ITGB3: variants seen among roughly 807,000 people sequenced by gnomAD.
The protein encoded by ITGB3 is integrin beta-3.
ITGB3 carries 48 observed loss-of-function variants against 85.8 expected under a neutral mutation model. The ratio of observed to expected loss-of-function variants is 0.56; its 90% CI spans 0.44 to 0.71. The LOEUF (loss-of-function observed/expected upper bound fraction) is 0.71. ITGB3 is among the 30% of genes least tolerant of loss of function. The pLI is 0.00. For synonymous variants in ITGB3, 363 were observed against 395.6 expected, an observed-to-expected ratio of 0.92 and a Z score of 0.98; for missense variants, 861 against 1,019.1, an observed-to-expected ratio of 0.84 and a Z score of 2.11.
intron 9 of ITGB3, 114 bp downstream of exon 9, chr17:47,291,202 C>A: frequency 3.3e-6 from 4 of 1,206,678 alleles, no homozygotes; most frequent in Non-Finnish European, 4.8e-6. Context: ...AAAATATGGG[C>A]AAGAAAAATA....
At chr17:47,264,653 C>T (rs2065019682) in intron 1 of ITGB3, among the ~76,000 whole-genome samples, 2 of 152,292 alleles carry the variant, frequency 1.3e-5, no homozygotes, top group Admixed American at 6.5e-5. Context: ...CCTCTAACCT[C>T]CTCTGTGCTT....
intron 12 of ITGB3, among the ~76,000 whole-genome samples, chr17:47,300,835 C>T (rs2065164831): frequency 6.6e-6 from 1 of 152,128 alleles, no homozygotes; most frequent in African/African-American, 2.4e-5. Flanking sequence ...GCCTGCAAAG[C>T]AAAGGGAGCA....
chr17:47,278,891 C>T (rs991095452), intron 2 of ITGB3, among the ~76,000 whole-genome samples: 1 of 152,216 alleles, frequency 6.6e-6, no homozygotes, highest in Non-Finnish European at 1.5e-5. Flanking sequence ...AAACCATCCC[C>T]ACCTCCCTGT....
Position 47,292,533 on chromosome 17 carries a change from TCTC to T in ITGB3, c.1658_1660del (p.Ser553del), listed in dbSNP as rs1378984668. The T allele has an allele frequency of 3.7e-6, 6 of 1,602,946 alleles. No individual in the cohort carries two copies. In the Admixed American group the frequency reaches 6.7e-5, roughly 18 times the overall value. On this transcript the variant is annotated inframe_deletion, in exon 10 of 15. Coordinates refer to ENST00000559488, the MANE Select transcript of ITGB3 (RefSeq NM_000212.3). Reference sequence around the variant, plus strand: ...GGCAAGTACTGCGAGTGTGACGACTTCTCCTGTGTCCGCTACAAGGGGGAGATG... The same window carrying T: ...GGCAAGTACTGCGAGTGTGACGACTTCTGTGTCCGCTACAAGGGGGAGATG...
At chr17:47,263,721 C>T (rs1299462785) in intron 1 of ITGB3, among the ~76,000 whole-genome samples, 2 of 152,146 alleles carry the variant, frequency 1.3e-5, no homozygotes, top group African/African-American at 4.8e-5. Context: ...AACTCCTGAC[C>T]TCAGGTGATC....
chr17:47,286,643 C>T (rs1032317461), intron 5 of ITGB3, among the ~76,000 whole-genome samples: 1 of 152,170 alleles, frequency 6.6e-6, no homozygotes, highest in Non-Finnish European at 1.5e-5. Flanking sequence ...CTCAGATGTT[C>T]CCAGGGGAGA....
At position 47,312,438 on chromosome 17, in the gene ITGB3, T is replaced by A. The variant is rs561681430; in HGVS notation, c.*2234T>A. Among the ~76,000 whole-genome samples the A allele has an allele frequency of 2.4e-4, 37 of 152,210 alleles. No homozygotes were observed. Among genetic ancestry groups the A allele is most frequent in the Admixed American group, 1.2e-3 (18 of 15,286 alleles). ...GAGGGATAGTCATGGATCCAAGAAG[T>A]CCTTAGAAATAGTGGCAGGGAACAG... On this transcript the variant is annotated 3_prime_UTR_variant, in exon 15 of 15. Transcript: ENST00000559488.
chr17:47,292,051 A>G (rs1383098863), intron 9 of ITGB3, 88 bp from the exon 10 acceptor site: 1 of 1,371,620 alleles, frequency 7.3e-7, no homozygotes, highest in Non-Finnish European at 1.0e-6. Flanking sequence ...ATTCCTTGGC[A>G]GGGCAGGGAA....
intron 2 of ITGB3, among the ~76,000 whole-genome samples, chr17:47,281,842 T>A (rs1279971056): frequency 6.6e-6 from 1 of 152,228 alleles, no homozygotes; most frequent in Non-Finnish European, 1.5e-5. Context: ...TGGATTGTCT[T>A]ATTTAGCCTG....
chr17:47,271,286 A>G (rs928315452), intron 1 of ITGB3, among the ~76,000 whole-genome samples: 1 of 152,218 alleles, frequency 6.6e-6, no homozygotes, highest in African/African-American at 2.4e-5. Flanking sequence ...CTGTCCCCCA[A>G]GTAAGGTCCT....
chr17:47,254,023 C>T (rs1598673653), intron 1 of ITGB3, 83 bp downstream of exon 1: 5 of 912,488 alleles, frequency 5.5e-6, no homozygotes, highest in Non-Finnish European at 7.5e-6. Context: ...AGCCGGCAAA[C>T]GCGGAGGGCT....
At chr17:47,259,605 A>G (rs2065002067) in intron 1 of ITGB3, among the ~76,000 whole-genome samples, 2 of 152,180 alleles carry the variant, frequency 1.3e-5, no homozygotes, top group African/African-American at 4.8e-5. Context: ...AATAACAAAT[A>G]TTGTTATTTC....
rs2065117750 is a variant in ITGB3, at chr17:47,289,685, A to G, written c.944A>G (p.Tyr315Cys). The G allele has an allele frequency of 1.2e-6, 2 of 1,610,138 alleles. No individual in the cohort carries two copies. Among genetic ancestry groups the G allele is most frequent in the Admixed American group, 1.7e-5 (1 of 60,004 alleles). Residue 315 changes from tyrosine to cysteine, a missense_variant, in exon 7 of 15, where the codon TAT becomes TGT. Transcript: ENST00000559488. ...CTACATCCTTCATTTTCCTAGGATT[A>G]TCCCTCTTTGGGGCTGATGACTGAG... Reference protein sequence around the residue: ...NHYSASTTMDYPSLGLMTEKL... With the variant: ...NHYSASTTMDCPSLGLMTEKL...
intron 1 of ITGB3, among the ~76,000 whole-genome samples, chr17:47,258,723 G>A (rs1046284520): frequency 6.6e-6 from 1 of 152,076 alleles, no homozygotes; most frequent in Non-Finnish European, 1.5e-5. Context: ...GATTACAGGC[G>A]TGAGCTACTG....
rs201806801 is a variant in ITGB3 at position 47,284,473 on chromosome 17, G to A, written c.392G>A (p.Arg131Gln). 12 of 1,613,992 alleles carry A rather than the reference G, an allele frequency of 7.4e-6. No homozygotes were observed. The highest frequency in any genetic ancestry group is 5.5e-5 in the South Asian group (5 of 91,066). Residue 131 changes from arginine (R) to glutamine (Q), a missense_variant, in exon 4 of 15, where the codon CGG becomes CAG. Physicochemically the swap from Arg to Gln is conservative, Grantham distance 43. Transcript: ENST00000559488. ...TCGAAGAATTTCTCCATCCAAGTGC[G>A]GCAGGTGGAGGATTACCCTGTGGAC... is the stretch of plus-strand genomic sequence containing the variant. ...DDSKNFSIQV[R>Q]QVEDYPVDIY...
At chr17:47,286,135 C>A (rs1281084908) in intron 4 of ITGB3, 125 bp from the exon 5 acceptor site, 1 of 1,069,566 alleles carries the variant, frequency 9.3e-7, no homozygotes, top group African/African-American at 1.5e-5. Flanking sequence ...GTCTGGGTAA[C>A]TGTGGTTGTA....
In ITGB3 at chr17:47,310,963, C is replaced by G. The variant is rs1281071718; in HGVS notation, c.*759C>G. The G allele has an allele frequency of 1.3e-5, 2 of 155,398 alleles. No homozygotes were observed. Among genetic ancestry groups the G allele is most frequent in the African/African-American group, 4.8e-5 (2 of 41,456 alleles). The allele number at this position is 155,398 out of a possible 1,614,324, so 9.6% of individuals were successfully genotyped here. On this transcript the variant is annotated 3_prime_UTR_variant, in exon 15 of 15. Coordinates refer to ENST00000559488, the MANE Select transcript of ITGB3 (RefSeq NM_000212.3). ...CATCTCCCAGTTCATAATCACAACCCTTCAGATTTGCCTTATTGGCAGCTC... is the reference window on the plus strand; with the variant it reads ...CATCTCCCAGTTCATAATCACAACCGTTCAGATTTGCCTTATTGGCAGCTC...
chr17:47,304,669 G>C (rs553984002), intron 13 of ITGB3, among the ~76,000 whole-genome samples: 1 of 152,164 alleles, frequency 6.6e-6, no homozygotes, highest in East Asian at 1.9e-4. Context: ...GTACAGCGGC[G>C]TGATCTTGGC....
intron 1 of ITGB3, among the ~76,000 whole-genome samples, chr17:47,261,099 C>G (rs1376794487): frequency 6.6e-6 from 1 of 152,082 alleles, no homozygotes; most frequent in Non-Finnish European, 1.5e-5. Context: ...AAATTTATAT[C>G]CCTTGACCAG....
Sources: allele counts gnomAD v4.1 joint callset (sites outside exome capture counted in the v4.1 genomes callset), GRCh38; gene constraint gnomAD v4.1.1; transcripts MANE v1.5; gene names NCBI Gene and HGNC (gene_info 2026-07-23, HGNC 2026-07-21).